The following BPIFC variants were observed in gnomAD, a reference collection of about 807,000 sequenced individuals.
The protein encoded by BPIFC is BPI fold containing family C.
Under a neutral mutation model 57.6 loss-of-function variants are expected in BPIFC, and 60 were observed. The observed-to-expected ratio is 1.04, with a 90% confidence interval of 0.85 to 1.29. The LOEUF (loss-of-function observed/expected upper bound fraction) is 1.29. Ranked by LOEUF, BPIFC falls within the 50% of genes most tolerant of loss-of-function variation. The pLI is 0.00. For missense variants in BPIFC, 581 were observed against 600.5 expected, an observed-to-expected ratio of 0.97 and a Z score of 0.34; for synonymous variants, 243 against 224.5, an observed-to-expected ratio of 1.08 and a Z score of -0.74.
intron 10 of BPIFC, among the ~76,000 whole-genome samples, chr22:32,434,152 T>A: frequency 6.7e-6 from 1 of 149,644 alleles, no homozygotes; most frequent in East Asian, 1.9e-4. Flanking sequence ...TGTGTACATA[T>A]TCTTTATATA....
chr22:32,460,460 C>A (rs1398266709), intron 2 of BPIFC, among the ~76,000 whole-genome samples: 1 of 152,194 alleles, frequency 6.6e-6, no homozygotes, highest in African/African-American at 2.4e-5. Flanking sequence ...AGGTCTTCAC[C>A]TGTCTGTGGG....
chr22:32,431,302 C>G (rs369097308), intron 13 of BPIFC, 45 bp downstream of exon 13: 17 of 1,495,944 alleles, frequency 1.1e-5, no homozygotes, highest in African/African-American at 5.4e-5. Flanking sequence ...TCAGTTGACT[C>G]ACTTATTACT....
At chr22:32,458,967 C>G (rs1250319864) in intron 2 of BPIFC, among the ~76,000 whole-genome samples, 1 of 152,178 alleles carries the variant, frequency 6.6e-6, no homozygotes, top group East Asian at 1.9e-4. Flanking sequence ...AATTAATAGA[C>G]CAAACAAATT....
At chr22:32,441,842 G>T (rs1436671905) in intron 8 of BPIFC, among the ~76,000 whole-genome samples, 1 of 152,186 alleles carries the variant, frequency 6.6e-6, no homozygotes, top group Non-Finnish European at 1.5e-5. Flanking sequence ...CTGGGGTTGG[G>T]GGGGATGGTT....
chr22:32,420,544 A>G (rs552714578), intron 13 of BPIFC, among the ~76,000 whole-genome samples: 1 of 152,214 alleles, frequency 6.6e-6, no homozygotes, highest in Non-Finnish European at 1.5e-5. Context: ...TGAAAGGTAC[A>G]GTATAATTGT....
intron 8 of BPIFC, among the ~76,000 whole-genome samples, chr22:32,440,308 A>C (rs1934528241): frequency 6.6e-6 from 1 of 152,056 alleles, no homozygotes; most frequent in Non-Finnish European, 1.5e-5. Context: ...CTAATTAAAA[A>C]AAAATTTTTT....
chr22:32,442,573 A>C (rs1457802788), intron 8 of BPIFC, 98 bp downstream of exon 8: 1 of 1,212,090 alleles, frequency 8.3e-7, no homozygotes. Flanking sequence ...AGCAGGATGG[A>C]TAGCTCAAGC....
At chr22:32,416,357 A>T (rs961745989) in intron 15 of BPIFC, among the ~76,000 whole-genome samples, 3 of 152,192 alleles carry the variant, frequency 2.0e-5, no homozygotes, top group Non-Finnish European at 4.4e-5. Flanking sequence ...TGCTGGGATT[A>T]CAGGCGTGAG....
intron 8 of BPIFC, among the ~76,000 whole-genome samples, chr22:32,439,748 G>A (rs1276002263): frequency 6.6e-6 from 1 of 151,992 alleles, no homozygotes; most frequent in African/African-American, 2.4e-5. Context: ...CCAAGTAGCT[G>A]GGATTACAGG....
At chr22:32,429,089 A>G (rs1420104208) in intron 13 of BPIFC, among the ~76,000 whole-genome samples, 1 of 152,128 alleles carries the variant, frequency 6.6e-6, no homozygotes, top group African/African-American at 2.4e-5. Flanking sequence ...TTCCTCTTCC[A>G]GATGCAAAGC....
chr22:32,438,192 GGAATGTGAATGT>G (rs143113648), intron 8 of BPIFC, among the ~76,000 whole-genome samples: 1 of 151,972 alleles, frequency 6.6e-6, no homozygotes, highest in Non-Finnish European at 1.5e-5. Flanking sequence ...TGTAATAAAA[GGAATGTGAATGT>G]GAATGTGAAT....
At chr22:32,424,159 G>A (rs561074763) in intron 13 of BPIFC, among the ~76,000 whole-genome samples, 1 of 152,130 alleles carries the variant, frequency 6.6e-6, no homozygotes, top group South Asian at 2.1e-4. Context: ...CCTATGGAGG[G>A]GTGTTCTGTT....
chr22:32,457,303 A>G lies in BPIFC; in HGVS notation c.84T>C (p.Pro28=). The change falls in exon 3 of 17, where the codon CCT becomes CCC. Residue 28 remains proline, a synonymous_variant. Coordinates refer to ENST00000300399, the MANE Select transcript of BPIFC (RefSeq NM_174932.3). The part of the protein sequence containing the change: ...LYVSSSQTIY[P]GIKARITQRA... Reference sequence around the variant, plus strand: ...TCTGAGTAATCCTTGCCTTGATTCCAGGGTAAATGGTCTGAGAGGATGAGA... The same window carrying G: ...TCTGAGTAATCCTTGCCTTGATTCCGGGGTAAATGGTCTGAGAGGATGAGA... The G allele has an allele frequency of 1.2e-6, 2 of 1,607,370 alleles. No homozygotes were observed. Among genetic ancestry groups the G allele is most frequent in the African/African-American group, 1.3e-5 (1 of 74,474 alleles).
At chr22:32,428,223 A>C (rs1329432547) in intron 13 of BPIFC, among the ~76,000 whole-genome samples, 4 of 151,998 alleles carry the variant, frequency 2.6e-5, no homozygotes, top group African/African-American at 9.7e-5. Flanking sequence ...TCATTTTTAA[A>C]AATTATTATT....
At chr22:32,437,669 G>A (rs934883500) in intron 9 of BPIFC, 91 bp downstream of exon 9, 2 of 925,610 alleles carry the variant, frequency 2.2e-6, no homozygotes, top group Non-Finnish European at 3.4e-6. Context: ...GGGATTACAG[G>A]TGTGAGGCAC....
At chr22:32,424,105 G>A (rs1933928894) in intron 13 of BPIFC, among the ~76,000 whole-genome samples, 1 of 151,918 alleles carries the variant, frequency 6.6e-6, no homozygotes, top group African/African-American at 2.4e-5. Context: ...TGACTGTTGT[G>A]CTAAGTGATT....
chr22:32,446,168 T>C (rs1398320138), intron 5 of BPIFC, among the ~76,000 whole-genome samples, 172 bp from the exon 6 acceptor site: 1 of 152,186 alleles, frequency 6.6e-6, no homozygotes, highest in Non-Finnish European at 1.5e-5. Flanking sequence ...TGATTGAATA[T>C]TCCCAGAACA....
At chr22:32,442,833 A>C in intron 7 of BPIFC, 102 bp from the exon 8 acceptor site, 5 of 1,083,324 alleles carry the variant, frequency 4.6e-6, no homozygotes, top group Non-Finnish European at 6.8e-6. Context: ...TCTGGTTAGC[A>C]GTCATTATCC....
chr22:32,460,867 G>A (rs1935145695), intron 2 of BPIFC, among the ~76,000 whole-genome samples: 1 of 152,242 alleles, frequency 6.6e-6, no homozygotes, highest in Non-Finnish European at 1.5e-5. Flanking sequence ...GAGGTCCTAG[G>A]TCTGGCTCAG....
Sources: allele counts gnomAD v4.1 joint callset (sites outside exome capture counted in the v4.1 genomes callset), GRCh38; gene constraint gnomAD v4.1.1; transcripts MANE v1.5; gene names NCBI Gene and HGNC (gene_info 2026-07-23, HGNC 2026-07-21).